EPHB1: variants seen among roughly 807,000 people sequenced by gnomAD.
EPHB1 encodes the protein EPH receptor B1.
Under a neutral mutation model 94.4 loss-of-function variants are expected in EPHB1, and 30 were observed. The ratio of observed to expected loss-of-function variants is 0.32; its 90% CI spans 0.24 to 0.43. The LOEUF (loss-of-function observed/expected upper bound fraction) is 0.43, where lower values mean the gene tolerates loss of function less well. Ranked by LOEUF, EPHB1 falls within the 20% of genes least tolerant of loss-of-function variation. EPHB1 has a pLI of 1.00. For missense variants in EPHB1, 1,055 were observed against 1,308.3 expected, an observed-to-expected ratio of 0.81 and a Z score of 2.99; for synonymous variants, 522 against 489.1, an observed-to-expected ratio of 1.07 and a Z score of -0.89.
At chr3:135,222,519 A>T (rs9847029) in intron 12 of EPHB1, among the ~76,000 whole-genome samples, 99,648 of 152,058 alleles carry the variant, frequency 0.66, 33,868 homozygotes, top group Middle Eastern at 0.76. Flanking sequence ...TGAGAAGACC[A>T]TAAGAAACAA....
chr3:135,255,998 T>C (rs1206339070), intron 15 of EPHB1, among the ~76,000 whole-genome samples: 1 of 150,882 alleles, frequency 6.6e-6, no homozygotes, highest in Non-Finnish European at 1.5e-5. Flanking sequence ...CTTTTGATCT[T>C]TGTTGGTTTA....
intron 5 of EPHB1, among the ~76,000 whole-genome samples, chr3:135,153,697 A>T (rs183171926): frequency 6.6e-6 from 1 of 152,228 alleles, no homozygotes; most frequent in Non-Finnish European, 1.5e-5. Flanking sequence ...GAGTAATTCT[A>T]TACCAACTGG....
intron 3 of EPHB1, among the ~76,000 whole-genome samples, chr3:134,989,394 ATG>A (rs1934710596): frequency 6.6e-6 from 1 of 152,114 alleles, no homozygotes; most frequent in Admixed American, 6.6e-5. Context: ...TATTCTACTT[ATG>A]TGTGTGTGAT....
At chr3:135,110,270 T>A (rs1181658671) in intron 4 of EPHB1, among the ~76,000 whole-genome samples, 1 of 152,220 alleles carries the variant, frequency 6.6e-6, no homozygotes, top group Non-Finnish European at 1.5e-5. Context: ...TTATTTCTTC[T>A]TCAAATGCAA....
chr3:134,956,232 T>G (rs1933264930), intron 3 of EPHB1, among the ~76,000 whole-genome samples: 1 of 152,000 alleles, frequency 6.6e-6, no homozygotes, highest in Non-Finnish European at 1.5e-5. Flanking sequence ...GACTGTCATA[T>G]CTTCTGTGAC....
At chr3:135,045,755 C>T (rs1936980721) in intron 3 of EPHB1, among the ~76,000 whole-genome samples, 1 of 152,046 alleles carries the variant, frequency 6.6e-6, no homozygotes, top group Non-Finnish European at 1.5e-5. Context: ...CATTATTTCC[C>T]AATGTATGAT....
At chr3:134,883,638 C>T (rs1371377347) in intron 1 of EPHB1, among the ~76,000 whole-genome samples, 2 of 152,164 alleles carry the variant, frequency 1.3e-5, no homozygotes, top group Non-Finnish European at 2.9e-5. Context: ...ACAAGTGGCC[C>T]TCAAGGTATG....
At chr3:135,000,454 A>G (rs758686247) in intron 3 of EPHB1, among the ~76,000 whole-genome samples, 23 of 152,274 alleles carry the variant, frequency 1.5e-4, no homozygotes, top group Non-Finnish European at 2.5e-4. Context: ...AGATTAAGTG[A>G]CAGCTGAAGC....
chr3:134,942,855 A>G (rs2039146520), intron 2 of EPHB1, among the ~76,000 whole-genome samples: 1 of 152,162 alleles, frequency 6.6e-6, no homozygotes, highest in South Asian at 2.1e-4. Flanking sequence ...GTCAAAGTTT[A>G]ATTTACTGTC....
intron 5 of EPHB1, among the ~76,000 whole-genome samples, 177 bp from the exon 6 acceptor site, chr3:135,153,975 A>G (rs1375361547): frequency 6.6e-6 from 1 of 151,946 alleles, no homozygotes. Context: ...CTGTTATCCA[A>G]TCTCCATTGA....
chr3:135,183,008 T>C (rs1942201503), intron 10 of EPHB1, among the ~76,000 whole-genome samples: 1 of 64,534 alleles, frequency 1.5e-5, no homozygotes, highest in South Asian at 6.8e-4. Context: ...TTCTTTTCTT[T>C]TCTTTTCTTT....
chr3:135,036,360 A>G (rs1936648783), intron 3 of EPHB1, among the ~76,000 whole-genome samples: 1 of 152,154 alleles, frequency 6.6e-6, no homozygotes, highest in African/African-American at 2.4e-5. Flanking sequence ...AAGTGGTGGA[A>G]TTGGCATATA....
intron 3 of EPHB1, among the ~76,000 whole-genome samples, chr3:135,081,140 T>C (rs568943419): frequency 6.6e-6 from 1 of 152,296 alleles, no homozygotes; most frequent in South Asian, 2.1e-4. Context: ...AGCTCAGGGT[T>C]CTACCTTACC....
At chr3:135,239,005 T>C (rs1198332506) in intron 12 of EPHB1, among the ~76,000 whole-genome samples, 3 of 152,218 alleles carry the variant, frequency 2.0e-5, no homozygotes, top group Non-Finnish European at 4.4e-5. Context: ...AACATGTTGA[T>C]AAAACCAGTA....
chr3:135,070,156 G>A (rs191366287), intron 3 of EPHB1, among the ~76,000 whole-genome samples: 1 of 152,298 alleles, frequency 6.6e-6, no homozygotes, highest in African/African-American at 2.4e-5. Context: ...GTGATGTTGT[G>A]TGGGTCACAA....
intron 12 of EPHB1, among the ~76,000 whole-genome samples, chr3:135,226,712 T>C (rs975510979): frequency 2.2e-4 from 33 of 152,194 alleles, no homozygotes; most frequent in Admixed American, 8.5e-4. Flanking sequence ...AAGGGGCTTA[T>C]TGGTCCAACT....
At chr3:134,932,989 C>G (rs2038933723) in intron 2 of EPHB1, among the ~76,000 whole-genome samples, 1 of 152,164 alleles carries the variant, frequency 6.6e-6, no homozygotes, top group East Asian at 1.9e-4. Context: ...TATTCTCATT[C>G]TATGCTTTAG....
intron 5 of EPHB1, among the ~76,000 whole-genome samples, chr3:135,134,091 G>A (rs570121346): frequency 6.6e-6 from 1 of 152,240 alleles, no homozygotes; most frequent in Non-Finnish European, 1.5e-5. Context: ...TCTCTCTCCC[G>A]GGGTTACCGT....
rs571627388 is a variant in EPHB1 at position 135,013,311 on chromosome 3, C to T, written c.805+61259C>T. Among the ~76,000 whole-genome samples the T allele has an allele frequency of 5.3e-5, 8 of 152,178 alleles. No individual in the cohort carries two copies. In the East Asian group the frequency reaches 1.5e-3, roughly 29 times the overall value. On this transcript the variant is annotated intron_variant, in intron 3 of 15. Coordinates refer to ENST00000398015, the MANE Select transcript of EPHB1 (RefSeq NM_004441.5). ...CCTGCACCGTCATTGTGTGGTCTAC[C>T]CCTGCAGTGCCAACTCTGCAGTGCC...
Sources: gnomAD v4.1 joint callset for allele counts (sites outside exome capture counted in the v4.1 genomes callset) on GRCh38, gnomAD v4.1.1 for gene constraint, MANE v1.5 for transcripts, NCBI Gene and HGNC (gene_info 2026-07-23, HGNC 2026-07-21) for gene names.